Variants in DYNC2H1 observed in about 807,000 individuals in gnomAD.
The protein encoded by DYNC2H1 is dynein cytoplasmic 2 heavy chain 1, also known as cytoplasmic dynein 2 heavy chain 1.
DYNC2H1 carries 410 observed loss-of-function variants against 570.0 expected under a neutral mutation model. That is an observed-to-expected ratio of 0.72 (90% CI 0.66 to 0.78). The LOEUF (loss-of-function observed/expected upper bound fraction) is 0.78. DYNC2H1 is among the 30% of genes least tolerant of loss of function. DYNC2H1 has a pLI of 0.00. For synonymous variants in DYNC2H1, 1,688 were observed against 1,677.6 expected (o/e 1.01, Z -0.15); for missense variants, 4,865 against 5,046.4 (o/e 0.96, Z 1.09).
At chr11:103,120,197 A>G (rs1293205478) in intron 6 of DYNC2H1, among the ~76,000 whole-genome samples, 3 of 152,180 alleles carry the variant, frequency 2.0e-5, no homozygotes, top group African/African-American at 7.2e-5. Flanking sequence ...AAAAATGTTT[A>G]GGTCTTATAT....
At chr11:103,158,257 C>T (rs2134904183) in intron 26 of DYNC2H1, among the ~76,000 whole-genome samples, 1 of 152,238 alleles carries the variant, frequency 6.6e-6, no homozygotes, top group South Asian at 2.1e-4. Flanking sequence ...ACCATCGTGG[C>T]TAACACGGTG....
chr11:103,184,720 T>C (rs1306728825), intron 40 of DYNC2H1, among the ~76,000 whole-genome samples, 176 bp from the exon 41 acceptor site: 1 of 151,998 alleles, frequency 6.6e-6, no homozygotes, highest in Non-Finnish European at 1.5e-5. Flanking sequence ...TGATTACTTT[T>C]TATTTTCAAA....
intron 73 of DYNC2H1, among the ~76,000 whole-genome samples, chr11:103,284,916 A>G (rs572850026): frequency 2.0e-5 from 3 of 152,262 alleles, no homozygotes; most frequent in East Asian, 1.9e-4. Context: ...AAAAGAGAAC[A>G]CTGTTTGAGG....
rs1591342395 is a variant in DYNC2H1, at chr11:103,163,231, C to T, written c.4611+84C>T. On this transcript the variant is annotated intron_variant, in intron 30 of 88. Transcript: ENST00000375735. This position sits in a 1 kb window ranked among gnomAD's most constrained non-coding sequence, Gnocchi z 4.6. ...TAGAAGCCAGGAGGCTCAGATAAAT[C>T]GCATCTGTTTTCTCCCTTTATCTAA... 7 of 1,449,992 alleles carry T rather than the reference C, an allele frequency of 4.8e-6. No individual in the cohort carries two copies. Among genetic ancestry groups the T allele is most frequent in the East Asian group, 2.4e-5 (1 of 41,772 alleles). 89.8% of individuals were successfully genotyped at this position (1,449,992 alleles called of 1,614,324 possible). A position where few individuals can be genotyped will look rare whatever the true frequency, so the allele number is the denominator to read the frequency against.
intron 82 of DYNC2H1, among the ~76,000 whole-genome samples, chr11:103,338,294 G>A (rs977310837): frequency 1.4e-5 from 2 of 146,346 alleles, no homozygotes; most frequent in Admixed American, 7.2e-5. Context: ...ATACTTTGGA[G>A]TCAGGAAGTA....
chr11:103,307,396 T>C (rs989958059), intron 77 of DYNC2H1, among the ~76,000 whole-genome samples: 1 of 152,120 alleles, frequency 6.6e-6, no homozygotes, highest in Non-Finnish European at 1.5e-5. Flanking sequence ...ACTGTTTTAG[T>C]GTCTTAAACA....
At chr11:103,317,100 G>T (rs767394924) in intron 80 of DYNC2H1, among the ~76,000 whole-genome samples, 10 of 152,106 alleles carry the variant, frequency 6.6e-5, no homozygotes, top group Non-Finnish European at 1.5e-4. Flanking sequence ...AACAGGAACA[G>T]TCTAATCTCT....
chr11:103,140,428 A>T (rs1859841366), intron 17 of DYNC2H1, among the ~76,000 whole-genome samples: 1 of 152,066 alleles, frequency 6.6e-6, no homozygotes, highest in Admixed American at 6.6e-5. Context: ...ATCTCTCAGC[A>T]TTTGCTTGTC....
intron 20 of DYNC2H1, among the ~76,000 whole-genome samples, chr11:103,149,596 G>A (rs1165879382): frequency 6.6e-6 from 1 of 152,164 alleles, no homozygotes; most frequent in Non-Finnish European, 1.5e-5. Context: ...ATAAAATAAT[G>A]TATCCGTCTA....
At chr11:103,346,432 A>G (rs1196887637) in intron 82 of DYNC2H1, among the ~76,000 whole-genome samples, 1 of 152,230 alleles carries the variant, frequency 6.6e-6, no homozygotes, top group Non-Finnish European at 1.5e-5. Context: ...GTACTTTTAT[A>G]CACAGTGTAA....
intron 87 of DYNC2H1, 199 bp from the exon 88 acceptor site, chr11:103,468,390 A>C (rs1313444426): frequency 1.5e-5 from 6 of 413,156 alleles, no homozygotes; most frequent in Non-Finnish European, 2.6e-5. Flanking sequence ...TAAAAATGAG[A>C]AATCAGTCTC....
In DYNC2H1 at chr11:103,170,039, A is replaced by G. The variant is rs1022002560; in HGVS notation, c.4969-69A>G. On this transcript the variant is annotated intron_variant, in intron 32 of 88. Transcript: ENST00000375735. The surrounding 1 kb of genome is among the most constrained non-coding windows in gnomAD (Gnocchi z 4.8). ...TTTTTATCTTTTTAACTACAATCTCATGCTGTAAAAATATTTGTAAATGTT... is the reference window on the plus strand; with the variant it reads ...TTTTTATCTTTTTAACTACAATCTCGTGCTGTAAAAATATTTGTAAATGTT... 1.7e-5 allele frequency: 22 copies of G among 1,323,798 alleles called. No homozygotes were observed. Among genetic ancestry groups the G allele is most frequent in the Admixed American group, 2.8e-5 (1 of 35,972 alleles). 82.0% of individuals were successfully genotyped at this position (1,323,798 alleles called of 1,614,324 possible). A position where few individuals can be genotyped will look rare whatever the true frequency, so the allele number is the denominator to read the frequency against.
At chr11:103,123,834 T>G (rs1487303673) in intron 11 of DYNC2H1, among the ~76,000 whole-genome samples, 2 of 152,144 alleles carry the variant, frequency 1.3e-5, no homozygotes, top group Middle Eastern at 3.4e-3. Flanking sequence ...GCCCTTTTTT[T>G]TTTTAGACCC....
intron 12 of DYNC2H1, among the ~76,000 whole-genome samples, chr11:103,126,001 G>C (rs1858977198): frequency 6.6e-6 from 1 of 152,036 alleles, no homozygotes; most frequent in African/African-American, 2.4e-5. Context: ...TATTCTTTGG[G>C]CAGTGTGAAA....
chr11:103,177,809 G>A lies in DYNC2H1; in HGVS notation c.6128G>A (p.Arg2043Gln), dbSNP rs746149707. 5.6e-6 allele frequency: 9 copies of A among 1,609,670 alleles called. No homozygotes were observed. The highest frequency in any genetic ancestry group is 3.4e-5 in the Admixed American group (2 of 59,172). Reference protein sequence around the residue: ...VLTNSARQVVREPQDVSSWII... With the variant: ...VLTNSARQVVQEPQDVSSWII... ...ACAAATAGTGCTCGTCAAGTGGTTC[G>A]GGAACCTCAAGGTTAGTCTCTATGT... The change falls in exon 38 of 89, where the codon CGG becomes CAG. Residue 2043 changes from arginine to glutamine, a missense_variant. Physicochemically the swap from Arg to Gln is conservative, Grantham distance 43 (BLOSUM62 1). Transcript: ENST00000375735. The surrounding 1 kb of genome is among the most constrained non-coding windows in gnomAD (Gnocchi z 4.4).
intron 87 of DYNC2H1, among the ~76,000 whole-genome samples, chr11:103,457,898 G>T (rs965300000): frequency 6.6e-6 from 1 of 151,886 alleles, no homozygotes; most frequent in East Asian, 1.9e-4. Context: ...TTAACTTTTT[G>T]ACTTTTATAA....
At chr11:103,130,307 T>G (rs1859208725) in intron 13 of DYNC2H1, among the ~76,000 whole-genome samples, 1 of 152,176 alleles carries the variant, frequency 6.6e-6, no homozygotes, top group Non-Finnish European at 1.5e-5. Context: ...GTAGGAACTC[T>G]TCTGAAATCT....
At chr11:103,337,631 T>C (rs1040388257) in intron 82 of DYNC2H1, among the ~76,000 whole-genome samples, 1 of 152,138 alleles carries the variant, frequency 6.6e-6, no homozygotes, top group Non-Finnish European at 1.5e-5. Context: ...CTCTGATGAG[T>C]AGTGATGTTG....
Position 103,219,934 on chromosome 11 carries a change from C to T in DYNC2H1, c.8852C>T (p.Thr2951Ile). The T allele has an allele frequency of 6.6e-7, 1 of 1,520,126 alleles. No homozygotes were observed. The highest frequency in any genetic ancestry group is 8.8e-7 in the Non-Finnish European group (1 of 1,141,012). 94.2% of individuals were successfully genotyped at this position (1,520,126 alleles called of 1,614,324 possible). ...TTATAGGATGCTAGTGAGCAAAAAA[C>T]AGAACTTGAAAGACTGAAGCACAGA... Reference protein sequence around the residue: ...VSMQDASEQKTELERLKHRIA... With the variant: ...VSMQDASEQKIELERLKHRIA... Residue 2951 changes from threonine (T) to isoleucine (I), a missense_variant, in exon 56 of 89, where the codon ACA becomes ATA. Coordinates refer to ENST00000375735, the MANE Select transcript of DYNC2H1 (RefSeq NM_001377.3).
Sources: allele counts gnomAD v4.1 joint callset (sites outside exome capture counted in the v4.1 genomes callset), GRCh38; gene constraint gnomAD v4.1.1; non-coding constraint Gnocchi (gnomAD v3.1); transcripts MANE v1.5; gene names NCBI Gene and HGNC (gene_info 2026-07-23, HGNC 2026-07-21).